The following MACROH2A1 variants were observed in gnomAD, a reference collection of about 807,000 sequenced individuals.
The protein encoded by MACROH2A1 is core histone macro-H2A.1.
A neutral mutation model predicts 31.6 loss-of-function variants in MACROH2A1; 2 were observed. That is an observed-to-expected ratio of 0.06 (90% CI 0.03 to 0.20). MACROH2A1 has a LOEUF of 0.20. Among genes scored for constraint, MACROH2A1 ranks in the 10% least tolerant of loss-of-function variants. The pLI, the probability that MACROH2A1 is intolerant of heterozygous loss-of-function variation, is 1.00. For synonymous variants in MACROH2A1, 169 were observed against 189.6 expected (o/e 0.89, Z 0.89); for missense variants, 230 against 474.0 (o/e 0.49, Z 4.78).
chr5:135,380,544 C>A (rs897875885), intron 2 of MACROH2A1, among the ~76,000 whole-genome samples: 1 of 152,166 alleles, frequency 6.6e-6, no homozygotes, highest in Admixed American at 6.5e-5. Context: ...ATAAAGCTAT[C>A]ATCCCAGGGA....
chr5:135,364,954 C>T (rs1284522905), intron 4 of MACROH2A1, among the ~76,000 whole-genome samples: 1 of 152,068 alleles, frequency 6.6e-6, no homozygotes, highest in African/African-American at 2.4e-5. Context: ...TATTTATGAT[C>T]TAGGAGGGTA....
chr5:135,389,163 G>C lies in MACROH2A1; in HGVS notation c.-33-37C>G. 4.0e-6 allele frequency: 6 copies of C among 1,496,970 alleles called. 1 individual carries two copies. The South Asian group carries it at 6.1e-5, about 15-fold the overall frequency. 92.7% of individuals were successfully genotyped at this position (1,496,970 alleles called of 1,614,324 possible). A position where few individuals can be genotyped will look rare whatever the true frequency, so the allele number is the denominator to read the frequency against. The stretch of plus-strand genomic sequence containing the variant: ...AGAGGCACACCGGTCAGGGTGGCTG[G>C]GGACAGCACATGTCCCCTTTCCAGG... On this transcript the variant is annotated intron_variant, in intron 1 of 8. Transcript: ENST00000511689.
Position 135,398,552 on chromosome 5 carries a change from GCCTACA to G in MACROH2A1, c.-34+504_-34+509del, listed in dbSNP as rs1768362495. ...CCTCCCTGCAGATAGCGAGCCAGAC[GCCTACA>G]CCTCGGCCCCCCGGGGCTCGGGCCC... On this transcript the variant is annotated intron_variant, in intron 1 of 8. Coordinates refer to ENST00000511689, the MANE Select transcript of MACROH2A1 (RefSeq NM_138610.3). This position sits in a 1 kb window ranked among gnomAD's most constrained non-coding sequence, Gnocchi z 4.6. Among the ~76,000 whole-genome samples the G allele has an allele frequency of 6.6e-6, 1 of 152,228 alleles. No homozygotes were observed. The highest frequency in any genetic ancestry group is 1.5e-5 in the Non-Finnish European group (1 of 68,030).
rs1766835882 is a variant in MACROH2A1, at chr5:135,389,115, T to A, written c.-22A>T. 6.2e-7 allele frequency: 1 copy of A among 1,608,806 alleles called. No homozygotes were observed. Among genetic ancestry groups the A allele is most frequent in the Non-Finnish European group, 8.5e-7 (1 of 1,176,392 alleles). On this transcript the variant is annotated 5_prime_UTR_variant, in exon 2 of 9. Transcript: ENST00000511689. The stretch of plus-strand genomic sequence containing the variant: ...ACATGGCGGTGGCCCTGGAGGCGGA[T>A]CAGTGAGCACACTGTGAAGGCGAGA...
At chr5:135,381,940 A>C (rs1000730018) in intron 2 of MACROH2A1, among the ~76,000 whole-genome samples, 3 of 152,242 alleles carry the variant, frequency 2.0e-5, no homozygotes, top group Non-Finnish European at 2.9e-5. Flanking sequence ...AACTTTATAG[A>C]TGTGACAGAC....
At chr5:135,359,420 C>T in intron 5 of MACROH2A1, 1 of 985,106 alleles carries the variant, frequency 1.0e-6, no homozygotes, top group Non-Finnish European at 1.2e-6. Context: ...AATCCCCAGA[C>T]CTTAAGATGA....
At chr5:135,366,509 A>G (rs1763519278) in intron 4 of MACROH2A1, among the ~76,000 whole-genome samples, 1 of 152,096 alleles carries the variant, frequency 6.6e-6, no homozygotes, top group Non-Finnish European at 1.5e-5. Flanking sequence ...GCTAGGAAAT[A>G]GCTAACCCCA....
chr5:135,358,055 A>T (rs1762390187), intron 5 of MACROH2A1: 1 of 982,802 alleles, frequency 1.0e-6, no homozygotes, highest in Non-Finnish European at 1.2e-6. Flanking sequence ...CCCTTTTGAA[A>T]CATTTCCTAA....
chr5:135,360,571 C>G lies in MACROH2A1; in HGVS notation c.514G>C (p.Asp172His). The G allele has an allele frequency of 6.2e-7, 1 of 1,614,012 alleles. No homozygotes were observed. Among genetic ancestry groups the G allele is most frequent in the Non-Finnish European group, 8.5e-7 (1 of 1,179,908 alleles). ...GCAGGTGTGCCCTCGGTTGTGCTGT[C>G]GGCGCTGGCTGCCTTACTGACTTCA... is the stretch of plus-strand genomic sequence containing the variant. Reference protein sequence around the residue: ...QGEVSKAASADSTTEGTPADG... With the variant: ...QGEVSKAASAHSTTEGTPADG... The change falls in exon 5 of 9, where the codon GAC becomes CAC. Residue 172 changes from aspartate to histidine, a missense_variant. Asp to His is a moderately conservative substitution (Grantham distance 81). Transcript: ENST00000511689.
intron 2 of MACROH2A1, among the ~76,000 whole-genome samples, chr5:135,374,737 C>T (rs1487269524): frequency 6.6e-6 from 1 of 152,190 alleles, no homozygotes; most frequent in Non-Finnish European, 1.5e-5. Flanking sequence ...AACACCAGAT[C>T]TATGGACACA....
intron 1 of MACROH2A1, among the ~76,000 whole-genome samples, chr5:135,393,048 T>C (rs1274592555): frequency 2.6e-5 from 4 of 152,230 alleles, no homozygotes; most frequent in African/African-American, 9.6e-5. Context: ...AAGACATTGC[T>C]AGCTGCTGTA....
Position 135,359,364 on chromosome 5 carries a change from C to T in MACROH2A1, c.588+1133G>A, listed in dbSNP as rs1034281666. On this transcript the variant is annotated intron_variant, in intron 5 of 8. Coordinates refer to ENST00000511689, the MANE Select transcript of MACROH2A1 (RefSeq NM_138610.3). ...CAGGCAGTTGTCTTCACTGCTGAGT[C>T]GAAATTTTTAAAGGAACAAAAAATA... 24 of 984,668 alleles carry T rather than the reference C, an allele frequency of 2.4e-5. No individual in the cohort carries two copies. In the South Asian group the frequency reaches 7.5e-4, roughly 31 times the overall value. 61.0% of individuals were successfully genotyped at this position (984,668 alleles called of 1,614,324 possible).
intron 1 of MACROH2A1, among the ~76,000 whole-genome samples, chr5:135,393,003 T>C (rs1767457652): frequency 6.6e-6 from 1 of 152,244 alleles, no homozygotes; most frequent in African/African-American, 2.4e-5. Flanking sequence ...AAAAAGGCCA[T>C]CTTCTTGCAG....
intron 7 of MACROH2A1, chr5:135,343,733 C>T (rs1029755300): frequency 1.7e-4 from 70 of 402,904 alleles, no homozygotes; most frequent in African/African-American, 1.3e-3. Context: ...AGAGCCTTAT[C>T]CATCAAAACT....
At chr5:135,395,515 G>C (rs1469452351) in intron 1 of MACROH2A1, among the ~76,000 whole-genome samples, 1 of 152,126 alleles carries the variant, frequency 6.6e-6, no homozygotes, top group Admixed American at 6.5e-5. Context: ...ACATGCATTT[G>C]TCACCTTCCC....
At chr5:135,342,112 G>A (rs1442157292) in intron 8 of MACROH2A1, among the ~76,000 whole-genome samples, 2 of 152,192 alleles carry the variant, frequency 1.3e-5, no homozygotes, top group Non-Finnish European at 2.9e-5. Flanking sequence ...TGCAGACCTC[G>A]AGCCTTCCAG....
intron 2 of MACROH2A1, 51 bp downstream of exon 2, chr5:135,388,871 A>G (rs776482190): frequency 7.0e-7 from 1 of 1,436,388 alleles, no homozygotes; most frequent in Non-Finnish European, 9.5e-7. Context: ...GAACTATGAG[A>G]ACTTCTGCAT....
rs530223899 is a variant in MACROH2A1, at chr5:135,390,540, AG to A, written c.-33-1415del. Among the ~76,000 whole-genome samples the A allele has an allele frequency of 1.4e-4, 21 of 152,274 alleles. No homozygotes were observed. The East Asian group carries it at 4.1e-3, about 29-fold the overall frequency. On this transcript the variant is annotated intron_variant, in intron 1 of 8. Transcript: ENST00000511689. ...AAGGGCCAGTGCAGGGTGCTGGGAG[AG>A]GGGATATGAGGGGCCTTGGCCTGTT...
intron 5 of MACROH2A1, chr5:135,357,463 T>G (rs1762314240): frequency 6.6e-6 from 1 of 152,224 alleles, no homozygotes; most frequent in Non-Finnish European, 1.5e-5. Context: ...ATGCCCGCCT[T>G]GAATGGCTTG....
Sources: gnomAD v4.1 joint callset for allele counts (sites outside exome capture counted in the v4.1 genomes callset) on GRCh38, gnomAD v4.1.1 for gene constraint, Gnocchi (gnomAD v3.1) non-coding constraint, MANE v1.5 for transcripts, NCBI Gene and HGNC (gene_info 2026-07-23, HGNC 2026-07-21) for gene names.